The following PDE1A variants were observed in gnomAD, a reference collection of about 807,000 sequenced individuals.
PDE1A encodes the protein phosphodiesterase 1A.
Under a neutral mutation model 61.7 loss-of-function variants are expected in PDE1A, and 35 were observed. The observed-to-expected ratio is 0.57, with a 90% CI of 0.43 to 0.75. The LOEUF is 0.75. Among genes scored for constraint, PDE1A ranks in the 30% least tolerant of loss-of-function variants. PDE1A has a pLI of 0.00. For synonymous variants in PDE1A, 232 were observed against 213.2 expected (o/e 1.09, Z -0.77); for missense variants, 597 against 630.6 (o/e 0.95, Z 0.57).
chr2:182,340,096 G>T (rs1348933326), intron 1 of PDE1A, among the ~76,000 whole-genome samples: 2 of 152,088 alleles, frequency 1.3e-5, no homozygotes, highest in Non-Finnish European at 2.9e-5. Flanking sequence ...ATTATGACAA[G>T]GCCAAGGTAA....
chr2:182,679,491 G>T, the PDE1A span, among the ~76,000 whole-genome samples: 2 of 150,974 alleles, frequency 1.3e-5, no homozygotes, highest in Non-Finnish European at 2.9e-5. Flanking sequence ...GTGAGCCACC[G>T]CACCGGGCTC....
the PDE1A span, among the ~76,000 whole-genome samples, chr2:182,683,085 TTTTTCTTTTC>T: frequency 6.6e-6 from 1 of 151,922 alleles, no homozygotes; most frequent in African/African-American, 2.4e-5. Flanking sequence ...TTGTGTTTTC[TTTTTCTTTTC>T]TTTTTTTTTT....
intron 1 of PDE1A, among the ~76,000 whole-genome samples, chr2:182,336,976 T>TAAAAAAA (rs10679939): frequency 0.21 from 31,303 of 148,546 alleles, 3,349 homozygotes; most frequent in Middle Eastern, 0.3. Flanking sequence ...TTTTTTTTTT[T>TAAAAAAA]AAATAAAGAA....
chr2:182,554,905 T>C, the PDE1A span, among the ~76,000 whole-genome samples: 2 of 152,196 alleles, frequency 1.3e-5, no homozygotes, highest in Non-Finnish European at 2.9e-5. Context: ...TGGAGGAAAC[T>C]CTTTGAAAAG....
chr2:182,262,230 C>CTCTTTCTT (rs61437670), intron 2 of PDE1A, among the ~76,000 whole-genome samples: 1 of 144,210 alleles, frequency 6.9e-6, no homozygotes, highest in South Asian at 2.2e-4. Flanking sequence ...TTTTCTTTCT[C>CTCTTTCTT]TCTTTCTTTC....
chr2:182,284,982 T>C (rs1437596180), intron 1 of PDE1A, among the ~76,000 whole-genome samples: 4 of 152,142 alleles, frequency 2.6e-5, no homozygotes, highest in African/African-American at 9.6e-5. Flanking sequence ...AGCCATGCAC[T>C]TTTAACCAAT....
intron 1 of PDE1A, among the ~76,000 whole-genome samples, chr2:182,335,655 C>T (rs926154256): frequency 6.6e-6 from 1 of 152,110 alleles, no homozygotes; most frequent in Non-Finnish European, 1.5e-5. Context: ...GACCTTAAAT[C>T]ATAAAAACCC....
intron 1 of PDE1A, among the ~76,000 whole-genome samples, chr2:182,383,831 G>A (rs919854530): frequency 1.3e-5 from 2 of 152,168 alleles, no homozygotes; most frequent in African/African-American, 4.8e-5. Context: ...AGCATGGAGA[G>A]AGATGCCATT....
chr2:182,435,650 T>C (rs1243731712), intron 2 of PDE1A, among the ~76,000 whole-genome samples: 1 of 152,072 alleles, frequency 6.6e-6, no homozygotes, highest in Non-Finnish European at 1.5e-5. Context: ...AATATTCTTA[T>C]CTGCAATTCT....
At chr2:182,572,742 C>T in the PDE1A span, among the ~76,000 whole-genome samples, 1 of 151,742 alleles carries the variant, frequency 6.6e-6, no homozygotes, top group Non-Finnish European at 1.5e-5. Context: ...TGGTGGTGGG[C>T]GCCTGTAGTC....
At chr2:182,559,901 A>T in the PDE1A span, among the ~76,000 whole-genome samples, 3 of 151,556 alleles carry the variant, frequency 2.0e-5, no homozygotes, top group Non-Finnish European at 2.9e-5. Context: ...TTAAATTTTT[A>T]AAAAACAGGC....
At chr2:182,434,975 A>C (rs1173893841) in intron 2 of PDE1A, among the ~76,000 whole-genome samples, 1 of 152,062 alleles carries the variant, frequency 6.6e-6, no homozygotes, top group Non-Finnish European at 1.5e-5. Flanking sequence ...AATCCATCAG[A>C]AACAAGGCTT....
intron 2 of PDE1A, among the ~76,000 whole-genome samples, chr2:182,460,580 GTTTCCT>G (rs1324046636): frequency 6.6e-6 from 1 of 152,064 alleles, no homozygotes; most frequent in African/African-American, 2.4e-5. Flanking sequence ...CATTTGCCTT[GTTTCCT>G]TTGCTCGACT....
the PDE1A span, among the ~76,000 whole-genome samples, chr2:182,551,036 C>A: frequency 7.0e-6 from 1 of 142,764 alleles, no homozygotes. Flanking sequence ...CCAATGTTTC[C>A]TACAATCAGC....
chr2:182,357,409 T>C (rs1699255440), intron 1 of PDE1A, among the ~76,000 whole-genome samples: 2 of 152,018 alleles, frequency 1.3e-5, no homozygotes, highest in Non-Finnish European at 2.9e-5. Flanking sequence ...AGTTCATTGC[T>C]GTAAGTCTTC....
Position 182,185,900 on chromosome 2 carries a change from GCTAA to G in PDE1A, c.1504_1507del (p.Ala503HisfsTer20), listed in dbSNP as rs1559152893. On this transcript the variant is annotated frameshift_variant, in exon 13 of 14. Coordinates refer to ENST00000351439, the Ensembl canonical transcript of PDE1A. LOFTEE classifies it high-confidence loss of function. ...CTCATAAACAACACTACCTTGTGCA[GCTAA>G]CTCTTTCCACCTCTCTTTGTTCTGC... is the stretch of plus-strand genomic sequence containing the variant. 1.2e-6 allele frequency: 2 copies of G among 1,613,880 alleles called. No individual in the cohort carries two copies. The highest frequency in any genetic ancestry group is 1.7e-5 in the Admixed American group (1 of 60,010).
At chr2:182,502,187 T>C (rs545012865) in intron 2 of PDE1A, among the ~76,000 whole-genome samples, 1 of 152,330 alleles carries the variant, frequency 6.6e-6, no homozygotes, top group South Asian at 2.1e-4. Context: ...CCTATCTATC[T>C]GCAAATGTTC....
At chr2:182,651,936 A>G in the PDE1A span, among the ~76,000 whole-genome samples, 19 of 152,266 alleles carry the variant, frequency 1.2e-4, no homozygotes, top group South Asian at 2.7e-3. Flanking sequence ...TACATCTAGC[A>G]CTCCACTATT....
At chr2:182,313,094 G>T (rs833117) in intron 1 of PDE1A, among the ~76,000 whole-genome samples, 151,480 of 152,370 alleles carry the variant, frequency 0.99, 75,303 homozygotes, top group Middle Eastern at 1. Flanking sequence ...CTTGCTAAAC[G>T]TACTTATTAG....
Sources: gnomAD v4.1 joint callset for allele counts (sites outside exome capture counted in the v4.1 genomes callset) on GRCh38, gnomAD v4.1.1 for gene constraint, MANE v1.5 for transcripts, NCBI Gene and HGNC (gene_info 2026-07-23, HGNC 2026-07-21) for gene names.